The following KDM6A variants were observed in gnomAD, a reference collection of about 807,000 sequenced individuals.
The protein encoded by KDM6A is lysine-specific demethylase 6A.
In KDM6A, 11 loss-of-function variants were observed where a neutral mutation model predicts 117.6. The ratio of observed to expected loss-of-function variants is 0.09; its 90% CI spans 0.06 to 0.15. The LOEUF is 0.15. KDM6A is among the 10% of genes least tolerant of loss of function. The pLI is 1.00. For synonymous variants in KDM6A, 384 were observed against 396.1 expected (o/e 0.97, Z 0.36); for missense variants, 799 against 1,077.3 (o/e 0.74, Z 3.62).
intron 27 of KDM6A, among the ~76,000 whole-genome samples, chrX:45,093,486 T>C (rs755458501): frequency 9.1e-5 from 10 of 109,715 alleles, no homozygotes; most frequent in Non-Finnish European, 1.7e-4. Context: ...TAGGAGGCAA[T>C]TGTAACAGTA....
chrX:45,023,732 T>C (rs1256075257), intron 6 of KDM6A, among the ~76,000 whole-genome samples: 8 of 111,354 alleles, frequency 7.2e-5, no homozygotes, highest in Non-Finnish European at 1.5e-4. Context: ...GTGATTTTGG[T>C]GCACCCATCA....
intron 2 of KDM6A, among the ~76,000 whole-genome samples, chrX:44,951,505 A>C (rs1232768626): frequency 6.3e-5 from 7 of 111,084 alleles, no homozygotes; most frequent in African/African-American, 2.3e-4. Flanking sequence ...TGGTTGGGTT[A>C]CTTTTGTTTT....
intron 2 of KDM6A, among the ~76,000 whole-genome samples, chrX:44,920,127 TCTC>T (rs1456812748): frequency 1.8e-5 from 2 of 112,506 alleles, no homozygotes; most frequent in East Asian, 2.8e-4. Flanking sequence ...GAATGTATAT[TCTC>T]CTGCAAAAAT....
At chrX:45,039,906 A>G (rs1455691913) in intron 8 of KDM6A, among the ~76,000 whole-genome samples, 1 of 52,048 alleles carries the variant, frequency 1.9e-5, no homozygotes, top group African/African-American at 7.8e-5. Flanking sequence ...TCCCATGTCT[A>G]CTTCTATCCA....
At chrX:44,965,860 G>T (rs1267742980) in intron 3 of KDM6A, among the ~76,000 whole-genome samples, 1 of 112,125 alleles carries the variant, frequency 8.9e-6, no homozygotes. Flanking sequence ...TGTAAAGAAC[G>T]CAAATATCTG....
rs150145265 is a variant in KDM6A at position 44,990,980 on chromosome X, G to A, written c.384+16265G>A. 6.7e-3 allele frequency among the ~76,000 whole-genome samples: 753 copies of A among 112,127 alleles called. 5 individuals are homozygous for A. Among genetic ancestry groups the A allele is most frequent in the African/African-American group, 0.023 (726 of 30,918 alleles). On this transcript the variant is annotated intron_variant, in intron 4 of 29. Transcript: ENST00000611820. ...GTTTTGTGGACCAAGATATAATCTT[G>A]TAAAAGTGGTTTCTTGCATGTTTGA...
chrX:45,030,386 A>G (rs1051179055), intron 6 of KDM6A, among the ~76,000 whole-genome samples: 2 of 100,765 alleles, frequency 2.0e-5, no homozygotes, highest in African/African-American at 3.7e-5. Flanking sequence ...GAAGATTGTC[A>G]GGATTTGTTA....
At chrX:44,938,148 T>C (rs1294726064) in intron 2 of KDM6A, among the ~76,000 whole-genome samples, 1 of 111,293 alleles carries the variant, frequency 9.0e-6, no homozygotes, top group Non-Finnish European at 1.9e-5. Flanking sequence ...TTCGTAGAGA[T>C]GGGGTCTTGC....
chrX:44,926,815 A>C, intron 2 of KDM6A, among the ~76,000 whole-genome samples: 1 of 111,196 alleles, frequency 9.0e-6, no homozygotes, highest in East Asian at 2.8e-4. Context: ...GTTCCTACCA[A>C]ACTGTTTATT....
intron 2 of KDM6A, among the ~76,000 whole-genome samples, chrX:44,910,728 CT>C (rs1471913015): frequency 9.1e-5 from 10 of 110,105 alleles, no homozygotes; most frequent in Non-Finnish European, 9.5e-5. Context: ...CTTCAAGCAT[CT>C]GTTTAACAAA....
intron 2 of KDM6A, among the ~76,000 whole-genome samples, chrX:44,960,120 C>T (rs1317581847): frequency 9.0e-6 from 1 of 111,521 alleles, no homozygotes; most frequent in Admixed American, 9.6e-5. Context: ...AGTACTCTGT[C>T]CCACATCACA....
At chrX:44,928,595 T>TA (rs2036438283) in intron 2 of KDM6A, among the ~76,000 whole-genome samples, 1 of 112,037 alleles carries the variant, frequency 8.9e-6, no homozygotes, top group South Asian at 3.7e-4. Flanking sequence ...TAAAAGCAGA[T>TA]ACAACCGCAA....
chrX:45,055,073 G>T (rs888895042), intron 10 of KDM6A, among the ~76,000 whole-genome samples: 3 of 111,019 alleles, frequency 2.7e-5, no homozygotes, highest in African/African-American at 9.8e-5. Flanking sequence ...GATCTGTTAC[G>T]TATCTTCCTG....
chrX:45,041,378 G>A (rs1355546414), intron 8 of KDM6A, among the ~76,000 whole-genome samples: 6 of 99,241 alleles, frequency 6.0e-5, no homozygotes, highest in Non-Finnish European at 1.0e-4. Context: ...AGGGGCGGCC[G>A]GGCAGAGGAG....
Position 44,979,432 on chromosome X carries a change from T to C in KDM6A, c.384+4717T>C, listed in dbSNP as rs149916944. ...CTTTCCTTCCTGTTGTTCTTCCTTA[T>C]CTTCTTCCTCTTCTTCATTGAGTTT... On this transcript the variant is annotated intron_variant, in intron 4 of 29. Transcript: ENST00000611820. 5.8e-3 allele frequency among the ~76,000 whole-genome samples: 631 copies of C among 109,396 alleles called. 5 individuals carry two copies. The highest frequency in any genetic ancestry group is 0.02 in the African/African-American group (593 of 30,033). 95.0% of individuals were successfully genotyped at this position (109,396 alleles called of 115,157 possible). A position where few individuals can be genotyped will look rare whatever the true frequency, so the allele number is the denominator to read the frequency against.
rs367565349 is a variant in KDM6A, at chrX:45,089,825, A to G, written c.3787A>G (p.Ile1263Val). ...YEANVPVYRF[I>V]QRPGDLVWIN... is the part of the protein sequence containing the mutation. Reference sequence around the variant, plus strand: ...AGCAAATGTTCCAGTGTATAGGTTTATTCAGCGACCTGGAGATTTGGTCTG... The same window carrying G: ...AGCAAATGTTCCAGTGTATAGGTTTGTTCAGCGACCTGGAGATTTGGTCTG... Residue 1263 changes from isoleucine to valine, a missense_variant, in exon 26 of 30, where the codon ATT (isoleucine) becomes GTT (valine). By Grantham distance (29) the Ile-to-Val change is conservative (BLOSUM62 3). Transcript: ENST00000611820. 1 of 1,207,851 alleles carries G rather than the reference A, an allele frequency of 8.3e-7. No homozygotes were observed. Among genetic ancestry groups the G allele is most frequent in the African/African-American group, 1.8e-5 (1 of 56,996 alleles).
chrX:44,984,508 T>A (rs951466842), intron 4 of KDM6A, among the ~76,000 whole-genome samples: 2 of 111,770 alleles, frequency 1.8e-5, no homozygotes, highest in African/African-American at 3.3e-5. Flanking sequence ...CTGAATGGTA[T>A]TGCCTAGGTT....
Position 45,012,197 on chromosome X carries a change from A to ATTTTTTTTTTT in KDM6A, c.443+1190_443+1200dup, listed in dbSNP as rs760991442. Among the ~76,000 whole-genome samples, 94 of 69,064 alleles carry ATTTTTTTTTTT rather than the reference A, an allele frequency of 1.4e-3. 2 individuals carry two copies. The highest frequency in any genetic ancestry group is 5.7e-3 in the African/African-American group (90 of 15,802). The allele number at this position is 69,064 out of a possible 115,157, so 60.0% of individuals were successfully genotyped here. ...TTTATAAAATGTCAACCCAATGTAG[A>ATTTTTTTTTTT]TTTTTTTTTTTTTTTTTTTTTTGGT... On this transcript the variant is annotated intron_variant, in intron 5 of 29. Coordinates refer to ENST00000611820, the MANE Select transcript of KDM6A (RefSeq NM_001291415.2).
intron 17 of KDM6A, among the ~76,000 whole-genome samples, chrX:45,068,670 A>T (rs1344378946): frequency 9.3e-6 from 1 of 107,799 alleles, no homozygotes; most frequent in Non-Finnish European, 1.9e-5. Flanking sequence ...GGCTCAAGAG[A>T]TCCTCCCACC....
Sources: gnomAD v4.1 joint callset for allele counts (sites outside exome capture counted in the v4.1 genomes callset) on GRCh38, gnomAD v4.1.1 for gene constraint, MANE v1.5 for transcripts, NCBI Gene and HGNC (gene_info 2026-07-23, HGNC 2026-07-21) for gene names.